TMEM182: variants seen among roughly 807,000 people sequenced by gnomAD.
TMEM182 encodes the protein transmembrane protein 182.
A neutral mutation model predicts 26.8 loss-of-function variants in TMEM182; 20 were observed. The ratio of observed to expected loss-of-function variants is 0.75; its 90% CI spans 0.53 to 1.09. TMEM182 has a LOEUF of 1.09. Ranked by LOEUF, TMEM182 falls within the 50% of genes least tolerant of loss-of-function variation. TMEM182 has a pLI of 0.00. For synonymous variants in TMEM182, 109 were observed against 102.2 expected (o/e 1.07, Z -0.40); for missense variants, 277 against 275.5 (o/e 1.01, Z -0.04).
intron 3 of TMEM182, among the ~76,000 whole-genome samples, chr2:102,788,283 T>C (rs767873891): frequency 6.6e-6 from 1 of 152,160 alleles, no homozygotes; most frequent in Non-Finnish European, 1.5e-5. Flanking sequence ...GCATGGGTGT[T>C]ATGTTTTGGC....
intron 3 of TMEM182, among the ~76,000 whole-genome samples, chr2:102,770,129 G>A (rs1680611385): frequency 6.6e-6 from 1 of 152,146 alleles, no homozygotes; most frequent in Admixed American, 6.6e-5. Flanking sequence ...AAGAAGGGAA[G>A]AAGAAAGACA....
In TMEM182 at chr2:102,815,124, G is replaced by A. The variant is rs113860378; in HGVS notation, c.*156G>A. On this transcript the variant is annotated 3_prime_UTR_variant, in exon 5 of 5. Coordinates refer to ENST00000412401, the MANE Select transcript of TMEM182 (RefSeq NM_144632.5). ...TTACTAAAATTTTCTTCAGTAAGAA[G>A]GTCCTAGAATCTCTCCAGACACCAG... 4 of 1,436,844 alleles carry A rather than the reference G, an allele frequency of 2.8e-6. No individual in the cohort carries two copies. In the African/African-American group the frequency reaches 4.3e-5, roughly 15 times the overall value. 89.0% of individuals were successfully genotyped at this position (1,436,844 alleles called of 1,614,324 possible). A position where few individuals can be genotyped will look rare whatever the true frequency, so the allele number is the denominator to read the frequency against.
chr2:102,800,730 T>G (rs890702116), intron 4 of TMEM182, among the ~76,000 whole-genome samples: 8 of 151,968 alleles, frequency 5.3e-5, no homozygotes, highest in African/African-American at 1.9e-4. Flanking sequence ...TAATGTATTA[T>G]GGGCAGCATG....
intron 3 of TMEM182, among the ~76,000 whole-genome samples, chr2:102,830,752 T>TA (rs768731724): frequency 4.6e-5 from 7 of 152,330 alleles, no homozygotes; most frequent in East Asian, 3.9e-4. Context: ...TTATTGATTA[T>TA]AGTCACCCTA....
chr2:102,774,250 CTTTTTTTTTT>C (rs774047240), intron 3 of TMEM182, among the ~76,000 whole-genome samples: 6 of 96,130 alleles, frequency 6.2e-5, no homozygotes, highest in East Asian at 3.1e-4. Context: ...TTCTTTCTTT[CTTTTTTTTTT>C]TTTTTTTTTT....
intron 3 of TMEM182, among the ~76,000 whole-genome samples, chr2:102,781,756 T>A (rs1681174683): frequency 6.6e-6 from 1 of 152,266 alleles, no homozygotes; most frequent in East Asian, 1.9e-4. Flanking sequence ...ATTTAGTAGG[T>A]TGTCCAGAGC....
At chr2:102,757,551 C>T (rs919880668), upstream of TMEM182, 1 of 152,108 alleles carries the variant, frequency 6.6e-6, no homozygotes, top group Non-Finnish European at 1.5e-5. Flanking sequence ...TATTGGAGTA[C>T]TCGTCATGGT....
rs1682733855 is a variant in TMEM182 at position 102,816,098 on chromosome 2, G to T, written c.*1130G>T. The T allele has an allele frequency of 1.0e-6, 1 of 985,302 alleles. No individual in the cohort carries two copies. 61.0% of individuals were successfully genotyped at this position (985,302 alleles called of 1,614,324 possible). A position where few individuals can be genotyped will look rare whatever the true frequency, so the allele number is the denominator to read the frequency against. On this transcript the variant is annotated 3_prime_UTR_variant, in exon 5 of 5. Transcript: ENST00000412401. ...AGTTTTTGTGGGGAAAGATGATTCT[G>T]TATTATTCAGTAGCATAGACATTTT...
At chr2:102,842,526 G>A (rs1223160678) in intron 3 of TMEM182, among the ~76,000 whole-genome samples, 1 of 152,086 alleles carries the variant, frequency 6.6e-6, no homozygotes. Flanking sequence ...GATCCACAGG[G>A]TCAGAATTGT....
At chr2:102,749,294 T>C (rs1679807546) in intron 1 of TMEM182, among the ~76,000 whole-genome samples, 1 of 152,148 alleles carries the variant, frequency 6.6e-6, no homozygotes, top group Non-Finnish European at 1.5e-5. Context: ...GGGGAAAATA[T>C]TATGCTAACT....
chr2:102,836,957 T>C (rs1683257368), intron 3 of TMEM182, among the ~76,000 whole-genome samples: 1 of 152,242 alleles, frequency 6.6e-6, no homozygotes, highest in African/African-American at 2.4e-5. Flanking sequence ...ACAGGACCTC[T>C]CTTGAGTGCA....
At chr2:102,821,803 A>G (rs1046143406), downstream of TMEM182, among the ~76,000 whole-genome samples, 10 of 152,166 alleles carry the variant, frequency 6.6e-5, no homozygotes, top group East Asian at 1.9e-3. Flanking sequence ...CCTGGCTAAC[A>G]TGGTGAAATC....
chr2:102,839,782 C>A (rs1351199831), intron 3 of TMEM182, among the ~76,000 whole-genome samples: 1 of 152,108 alleles, frequency 6.6e-6, no homozygotes, highest in Non-Finnish European at 1.5e-5. Flanking sequence ...TGATGAATTG[C>A]CAAGGTGGTG....
At chr2:102,738,189 A>G (rs1679419063) in intron 1 of TMEM182, among the ~76,000 whole-genome samples, 1 of 152,204 alleles carries the variant, frequency 6.6e-6, no homozygotes, top group South Asian at 2.1e-4. Context: ...ATGTTAACCC[A>G]TTAAAACCAC....
At chr2:102,739,971 T>C (rs1449333587) in intron 1 of TMEM182, among the ~76,000 whole-genome samples, 1 of 152,160 alleles carries the variant, frequency 6.6e-6, no homozygotes, top group Non-Finnish European at 1.5e-5. Flanking sequence ...ACTTAGTTCT[T>C]ACTTGGGGTG....
At chr2:102,785,465 A>G (rs796367260) in intron 3 of TMEM182, among the ~76,000 whole-genome samples, 1 of 152,284 alleles carries the variant, frequency 6.6e-6, no homozygotes, top group South Asian at 2.1e-4. Context: ...TTGGTGGCAC[A>G]TATTGTACTT....
intron 3 of TMEM182, among the ~76,000 whole-genome samples, chr2:102,831,766 A>C (rs983797910): frequency 6.6e-6 from 1 of 152,092 alleles, no homozygotes; most frequent in East Asian, 1.9e-4. Context: ...AAAAAAAAAA[A>C]AGAAAAAGAA....
At chr2:102,817,900 G>GT (rs1682808627), downstream of TMEM182, among the ~76,000 whole-genome samples, 8 of 152,306 alleles carry the variant, frequency 5.3e-5, no homozygotes, top group South Asian at 1.7e-3. Flanking sequence ...GTTTCCCTGA[G>GT]TGCCACTTTA....
At chr2:102,770,722 A>G (rs1469299731) in intron 3 of TMEM182, among the ~76,000 whole-genome samples, 1 of 152,172 alleles carries the variant, frequency 6.6e-6, no homozygotes, top group Non-Finnish European at 1.5e-5. Context: ...GACCTTTTCA[A>G]TCAGCCAACA....
Sources: allele counts gnomAD v4.1 joint callset (sites outside exome capture counted in the v4.1 genomes callset), GRCh38; gene constraint gnomAD v4.1.1; transcripts MANE v1.5; gene names NCBI Gene and HGNC (gene_info 2026-07-23, HGNC 2026-07-21).